The following ZNF595 variants were observed in gnomAD, a reference collection of about 807,000 sequenced individuals.
The protein encoded by ZNF595 is zinc finger protein 595.
Under a neutral mutation model 19.4 loss-of-function variants are expected in ZNF595, and 9 were observed. The observed-to-expected ratio is 0.46, with a 90% CI of 0.28 to 0.81. ZNF595 has a LOEUF of 0.81. Ranked by LOEUF, ZNF595 falls within the 30% of genes least tolerant of loss-of-function variation. ZNF595 has a pLI of 0.11. For missense variants in ZNF595, 729 were observed against 736.0 expected, an observed-to-expected ratio of 0.99 and a Z score of 0.11; for synonymous variants, 255 against 255.9, an observed-to-expected ratio of 1.00 and a Z score of 0.03.
chr4:66,336 T>A (rs1489194474), intron 3 of ZNF595, among the ~76,000 whole-genome samples: 1 of 140,438 alleles, frequency 7.1e-6, no homozygotes, highest in African/African-American at 2.6e-5. Flanking sequence ...ACTTTTTGTT[T>A]TTTTTTTTGG....
rs1553802211 is a variant in ZNF595 at position 87,569 on chromosome 4, A to G, written c.*118A>G. ...ATTTTAAATTTTTTAAAATTTCTGT[A>G]GGTACATAGTATGTGTATCTATTCA... On this transcript the variant is annotated 3_prime_UTR_variant, in exon 4 of 4. Coordinates refer to ENST00000610261, the MANE Select transcript of ZNF595 (RefSeq NM_182524.4). 4 of 949,876 alleles carry G rather than the reference A, an allele frequency of 4.2e-6. No individual in the cohort carries two copies. In the African/African-American group the frequency reaches 6.7e-5, roughly 16 times the overall value. 58.8% of individuals were successfully genotyped at this position (949,876 alleles called of 1,614,324 possible).
intron 3 of ZNF595, among the ~76,000 whole-genome samples, chr4:79,665 C>T (rs1290360867): frequency 2.7e-5 from 4 of 147,506 alleles, no homozygotes; most frequent in African/African-American, 7.4e-5. Flanking sequence ...GCAGTATCTC[C>T]AGCTTTGTTG....
chr4:70,198 T>A (rs1713369274), intron 3 of ZNF595, among the ~76,000 whole-genome samples: 1 of 152,180 alleles, frequency 6.6e-6, no homozygotes, highest in South Asian at 2.1e-4. Context: ...ACCAGCTTGA[T>A]TGAATCCCTA....
rs552474113 is a variant in ZNF595 at position 77,313 on chromosome 4, G to C, written c.227-8418G>C. On this transcript the variant is annotated intron_variant, in intron 3 of 3. Coordinates refer to ENST00000610261, the MANE Select transcript of ZNF595 (RefSeq NM_182524.4). Reference sequence around the variant, plus strand: ...TTGCTATAATTGTAATTTTGTTCATGTGTTCTTGCAAAAAAAAAAATTAGT... The same window carrying C: ...TTGCTATAATTGTAATTTTGTTCATCTGTTCTTGCAAAAAAAAAAATTAGT... Among the ~76,000 whole-genome samples the C allele has an allele frequency of 5.0e-5, 7 of 140,564 alleles. No individual in the cohort carries two copies. The East Asian group carries it at 1.3e-3, about 25-fold the overall frequency. The allele number at this position is 140,564 out of a possible 152,430, so 92.2% of individuals were successfully genotyped here. A position where few individuals can be genotyped will look rare whatever the true frequency, so the allele number is the denominator to read the frequency against.
intron 3 of ZNF595, among the ~76,000 whole-genome samples, chr4:82,862 T>G (rs1317949754): frequency 1.3e-5 from 2 of 152,148 alleles, no homozygotes; most frequent in African/African-American, 2.4e-5. Flanking sequence ...GTTTAAGAGT[T>G]CTCTACAATT....
chr4:76,750 C>G (rs1264995797), intron 3 of ZNF595, among the ~76,000 whole-genome samples: 1 of 152,072 alleles, frequency 6.6e-6, no homozygotes, highest in Non-Finnish European at 1.5e-5. Flanking sequence ...TTTCTCTCTT[C>G]ATCTGCACTT....
At chr4:78,218 C>T (rs1209239408) in intron 3 of ZNF595, among the ~76,000 whole-genome samples, 1 of 152,146 alleles carries the variant, frequency 6.6e-6, no homozygotes, top group Non-Finnish European at 1.5e-5. Flanking sequence ...CCGTGTTAGC[C>T]AGGATGGTCT....
At position 87,747 on chromosome 4, in the gene ZNF595, G is replaced by A. The variant is rs542426169; in HGVS notation, c.*296G>A. ...TTTTTTTTTTTTTTTTTGAGACAGAGTCTCGTTCTGTCGCCCAGGCTGGAG... is the reference window on the plus strand; with the variant it reads ...TTTTTTTTTTTTTTTTTGAGACAGAATCTCGTTCTGTCGCCCAGGCTGGAG... On this transcript the variant is annotated 3_prime_UTR_variant, in exon 4 of 4. Coordinates refer to ENST00000610261, the MANE Select transcript of ZNF595 (RefSeq NM_182524.4). The A allele has an allele frequency of 1.7e-4, 25 of 149,012 alleles. No homozygotes were observed. In the South Asian group the frequency reaches 5.0e-3, roughly 30 times the overall value. The allele number at this position is 149,012 out of a possible 1,614,324, so 9.2% of individuals were successfully genotyped here. A position where few individuals can be genotyped will look rare whatever the true frequency, so the allele number is the denominator to read the frequency against.
chr4:81,336 CTTATTGT>C (rs1185945636), intron 3 of ZNF595, among the ~76,000 whole-genome samples: 3 of 151,944 alleles, frequency 2.0e-5, no homozygotes, highest in African/African-American at 7.3e-5. Flanking sequence ...CATATTGTTC[CTTATTGT>C]TTATAAGTTG....
At chr4:54,960 C>A (rs1712558095) in intron 1 of ZNF595, among the ~76,000 whole-genome samples, 1 of 152,270 alleles carries the variant, frequency 6.6e-6, no homozygotes, top group Non-Finnish European at 1.5e-5. Context: ...CGGCTTACTG[C>A]AAGCTCCGCC....
chr4:54,957 C>T (rs1581309603), intron 1 of ZNF595, among the ~76,000 whole-genome samples: 1 of 152,280 alleles, frequency 6.6e-6, no homozygotes, highest in East Asian at 1.9e-4. Context: ...TCTCGGCTTA[C>T]TGCAAGCTCC....
At position 82,852 on chromosome 4, in the gene ZNF595, G is replaced by T. The variant is rs147798922; in HGVS notation, c.227-2879G>T. Among the ~76,000 whole-genome samples, 3 of 152,094 alleles carry T rather than the reference G, an allele frequency of 2.0e-5. No individual in the cohort carries two copies. The South Asian group carries it at 6.2e-4, about 32-fold the overall frequency. ...TCAGATGGGTATGTATTCTGCTTTTGTTTAAGAGTTCTCTACAATTCTATT... is the reference window on the plus strand; with the variant it reads ...TCAGATGGGTATGTATTCTGCTTTTTTTTAAGAGTTCTCTACAATTCTATT... On this transcript the variant is annotated intron_variant, in intron 3 of 3. Coordinates refer to ENST00000610261, the MANE Select transcript of ZNF595 (RefSeq NM_182524.4).
intron 3 of ZNF595, among the ~76,000 whole-genome samples, chr4:71,546 C>T (rs1289354442): frequency 6.6e-6 from 1 of 152,098 alleles, no homozygotes; most frequent in Non-Finnish European, 1.5e-5. Context: ...ACCACAGATG[C>T]CTATGGTGGC....
intron 3 of ZNF595, among the ~76,000 whole-genome samples, chr4:85,061 G>T (rs1714076358): frequency 6.6e-6 from 1 of 152,146 alleles, no homozygotes; most frequent in Admixed American, 6.5e-5. Context: ...TCTGAAACCT[G>T]TTGTCTTTGA....
chr4:71,494 A>G (rs1383777487), intron 3 of ZNF595, among the ~76,000 whole-genome samples: 3 of 151,860 alleles, frequency 2.0e-5, no homozygotes, highest in Non-Finnish European at 2.9e-5. Flanking sequence ...CATACATCCT[A>G]TTGTCTTTTC....
chr4:54,815 G>GCTA (rs1162957775), intron 1 of ZNF595, among the ~76,000 whole-genome samples: 2,901 of 114,440 alleles, frequency 0.025, no homozygotes, highest in South Asian at 0.075. Flanking sequence ...GAATCAGAGC[G>GCTA]TAGCCCTGCC....
intron 3 of ZNF595, 57 bp from the exon 4 acceptor site, chr4:85,674 A>C: frequency 6.7e-7 from 1 of 1,485,740 alleles, no homozygotes; most frequent in South Asian, 1.4e-5. Flanking sequence ...TACATTCGTA[A>C]AGTATATTCA....
rs781836817 is a variant in ZNF595 at position 87,173 on chromosome 4, A to T, written c.1669A>T (p.Ile557Phe). ...CACAGCCCTGAATGAACATAAGAAA[A>T]TTCATTCTGGAGAGAAACCCTACAA... is the stretch of plus-strand genomic sequence containing the variant. ...RSTALNEHKK[I>F]HSGEKPYKCK... Residue 557 changes from isoleucine to phenylalanine, a missense_variant, in exon 4 of 4, where the codon ATT (isoleucine) becomes TTT (phenylalanine). Around this residue, in one of 2 missense-constraint regions of ZNF595, gnomAD observed 729 missense variants for 675.3 expected, o/e 1.08. Coordinates refer to ENST00000610261, the MANE Select transcript of ZNF595 (RefSeq NM_182524.4). 112 of 1,613,834 alleles carry T rather than the reference A, an allele frequency of 6.9e-5. No homozygotes were observed. Among genetic ancestry groups the T allele is most frequent in the Non-Finnish European group, 9.2e-5 (108 of 1,179,868 alleles).
At position 74,151 on chromosome 4, in the gene ZNF595, T is replaced by A. The variant is rs1334267638; in HGVS notation, c.227-11580T>A. ...GGTGAAATCTTATGTCTACCAAAAA[T>A]AAAAAAAAATTAGCTTGGCAAGGTG... On this transcript the variant is annotated intron_variant, in intron 3 of 3. Transcript: ENST00000610261. Among the ~76,000 whole-genome samples, 6 of 151,406 alleles carry A rather than the reference T, an allele frequency of 4.0e-5. No individual in the cohort carries two copies. The East Asian group carries it at 5.8e-4, about 15-fold the overall frequency.
Sources: gnomAD v4.1 joint callset for allele counts (sites outside exome capture counted in the v4.1 genomes callset) on GRCh38, gnomAD v4.1.1 for gene constraint, gnomAD v4.1.1 regional missense constraint, MANE v1.5 for transcripts, NCBI Gene and HGNC (gene_info 2026-07-23, HGNC 2026-07-21) for gene names.